Variants in GPR155 observed in about 807,000 individuals in gnomAD.
The protein encoded by GPR155 is G protein-coupled receptor 155.
GPR155 carries 65 observed loss-of-function variants against 93.1 expected under a neutral mutation model. The observed-to-expected ratio is 0.70, with a 90% CI of 0.57 to 0.86. The LOEUF is 0.86. GPR155 is among the 40% of genes least tolerant of loss of function. The pLI is 0.00. For synonymous variants in GPR155, 319 were observed against 360.1 expected (o/e 0.89, Z 1.29); for missense variants, 838 against 1,034.8 (o/e 0.81, Z 2.61).
chr2:174,471,295 G>A (rs1559115484), intron 3 of GPR155, among the ~76,000 whole-genome samples: 1 of 151,708 alleles, frequency 6.6e-6, no homozygotes, highest in Non-Finnish European at 1.5e-5. Context: ...AGGAGGCTGA[G>A]GCTGGAGAAC....
rs189649114 is a variant in GPR155 at position 174,435,837 on chromosome 2, C to T, written c.*279G>A. Reference sequence around the variant, plus strand: ...TTTGGGATCTTCAGGAGTCCTGGAACCAATCCCCTTGGATACTAAAGGATG... The same window carrying T: ...TTTGGGATCTTCAGGAGTCCTGGAATCAATCCCCTTGGATACTAAAGGATG... On this transcript the variant is annotated 3_prime_UTR_variant, in exon 16 of 16. Transcript: ENST00000392552. The T allele has an allele frequency of 1.0e-4, 32 of 316,078 alleles. No individual in the cohort carries two copies. Among genetic ancestry groups the T allele is most frequent in the Non-Finnish European group, 1.8e-4 (31 of 171,138 alleles). The allele number at this position is 316,078 out of a possible 1,614,324, so 19.6% of individuals were successfully genotyped here. A position where few individuals can be genotyped will look rare whatever the true frequency, so the allele number is the denominator to read the frequency against.
Position 174,434,606 on chromosome 2 carries a change from T to G in GPR155, c.*1510A>C, listed in dbSNP as rs1686721598. 1 of 151,816 alleles carries G rather than the reference T, an allele frequency of 6.6e-6. No individual in the cohort carries two copies. Among genetic ancestry groups the G allele is most frequent in the Non-Finnish European group, 1.5e-5 (1 of 67,964 alleles). The allele number at this position is 151,816 out of a possible 1,614,324, so 9.4% of individuals were successfully genotyped here. ...AAAAATAGTGCCTCTAGGTTTTTTTTGCTTGTTTTTTGTTTTTGAGACAGG... is the reference window on the plus strand; with the variant it reads ...AAAAATAGTGCCTCTAGGTTTTTTTGGCTTGTTTTTTGTTTTTGAGACAGG... On this transcript the variant is annotated 3_prime_UTR_variant, in exon 16 of 16. Coordinates refer to ENST00000392552, the MANE Select transcript of GPR155 (RefSeq NM_152529.7).
intron 1 of GPR155, 86 bp from the exon 2 acceptor site, chr2:174,482,073 C>G (rs899795794): frequency 1.5e-6 from 1 of 688,844 alleles, no homozygotes; most frequent in Non-Finnish European, 2.4e-6. Context: ...GATTTGTTTA[C>G]TTATTAAATG....
rs776042157 is a variant in GPR155, at chr2:174,439,878, T to C, written c.2312+20A>G. 1 of 1,601,996 alleles carries C rather than the reference T, an allele frequency of 6.2e-7. No individual in the cohort carries two copies. Among genetic ancestry groups the C allele is most frequent in the Non-Finnish European group, 8.5e-7 (1 of 1,170,446 alleles). On this transcript the variant is annotated intron_variant, in intron 15 of 15. Coordinates refer to ENST00000392552, the MANE Select transcript of GPR155 (RefSeq NM_152529.7). ...ATTTAAAATATAATTGTCTAGAACC[T>C]GTACTGGCACTTTGCTTACCTTCTT...
intron 14 of GPR155, among the ~76,000 whole-genome samples, chr2:174,441,668 T>C (rs896990620): frequency 3.3e-5 from 5 of 151,882 alleles, no homozygotes; most frequent in Non-Finnish European, 7.4e-5. Context: ...CACCTATGAG[T>C]GAGAACATGC....
intron 10 of GPR155, among the ~76,000 whole-genome samples, chr2:174,456,522 C>A (rs1687524988): frequency 6.6e-6 from 1 of 151,972 alleles, no homozygotes; most frequent in Non-Finnish European, 1.5e-5. Context: ...AGGCTGGTCT[C>A]CAACTCCTGA....
In GPR155 at chr2:174,473,239, T is replaced by G. The variant is rs1337921115; in HGVS notation, c.586A>C (p.Thr196Pro). The change falls in exon 3 of 16, where the codon ACT becomes CCT. Residue 196 changes from threonine to proline, a missense_variant. By Grantham distance (38) the Thr-to-Pro change is conservative. This residue lies in a region of GPR155 where 663 missense variants were observed against 790.1 expected (regional missense o/e 0.84). Transcript: ENST00000392552. ...ATTTTATTTTGAGAAGCATTTTGAG[T>G]GTCTTTCCACTTTTGGATTTCACAG... is the stretch of plus-strand genomic sequence containing the variant. ...IFCEIQKWKD[T>P]QNASQNKIKI... is the part of the protein sequence containing the mutation. The G allele has an allele frequency of 6.2e-7, 1 of 1,613,778 alleles. No homozygotes were observed.
rs1192182501 is a variant in GPR155, at chr2:174,433,934, GAC to G, written c.*2180_*2181del. On this transcript the variant is annotated 3_prime_UTR_variant, in exon 16 of 16. Coordinates refer to ENST00000392552, the MANE Select transcript of GPR155 (RefSeq NM_152529.7). ...TTTTTATACATGGACACTTTAAAAA[GAC>G]TAAATTCTAAATGTAATCTTTAGAA... 2.6e-5 allele frequency: 4 copies of G among 151,436 alleles called. No homozygotes were observed. The East Asian group carries it at 7.7e-4, about 29-fold the overall frequency. 9.4% of individuals were successfully genotyped at this position (151,436 alleles called of 1,614,324 possible).
chr2:174,471,105 C>T (rs1025056079), intron 3 of GPR155, among the ~76,000 whole-genome samples: 1 of 151,396 alleles, frequency 6.6e-6, no homozygotes, highest in Non-Finnish European at 1.5e-5. Flanking sequence ...ATTCTAAAAT[C>T]CTGCCGGCAT....
At chr2:174,472,265 G>C (rs1001887522) in intron 3 of GPR155, among the ~76,000 whole-genome samples, 1 of 152,282 alleles carries the variant, frequency 6.6e-6, no homozygotes, top group East Asian at 1.9e-4. Flanking sequence ...AATCAGCCAG[G>C]TGTGGTGGCA....
At chr2:174,457,037 C>T (rs894177592) in intron 10 of GPR155, among the ~76,000 whole-genome samples, 4 of 152,148 alleles carry the variant, frequency 2.6e-5, no homozygotes, top group East Asian at 1.9e-4. Context: ...CTGGGCCAGG[C>T]GCAGTGGCTC....
At position 174,481,502 on chromosome 2, in the gene GPR155, G is replaced by T. The variant is rs1234397419; in HGVS notation, c.455C>A (p.Pro152His). 1 of 1,575,062 alleles carries T rather than the reference G, an allele frequency of 6.3e-7. No individual in the cohort carries two copies. The highest frequency in any genetic ancestry group is 2.2e-5 in the East Asian group (1 of 44,672). The change falls in exon 2 of 16, where the codon CCT (proline) becomes CAT (histidine). Residue 152 changes from proline (P) to histidine (H), a missense_variant. By Grantham distance (77) the Pro-to-His change is moderately conservative (BLOSUM62 -2). This residue lies in a region of GPR155 where 663 missense variants were observed against 790.1 expected (regional missense o/e 0.84). Coordinates refer to ENST00000392552, the MANE Select transcript of GPR155 (RefSeq NM_152529.7). The part of the protein sequence containing the change: ...TQSNDFALGY[P>H]IVEALYQTTY... ...AAAAATAAAAATTAACTTACCTATA[G>T]GGTATCCCAATGCAAAGTCATTACT...
At chr2:174,481,281 C>T (rs1294042788) in intron 2 of GPR155, among the ~76,000 whole-genome samples, 1 of 152,038 alleles carries the variant, frequency 6.6e-6, no homozygotes, top group Non-Finnish European at 1.5e-5. Context: ...TAGGACTGTT[C>T]ACAGTGGTTA....
intron 13 of GPR155, among the ~76,000 whole-genome samples, chr2:174,443,865 A>G (rs1247048605): frequency 1.3e-5 from 2 of 152,206 alleles, no homozygotes; most frequent in African/African-American, 4.8e-5. Flanking sequence ...CACCTATCAT[A>G]TTACTTGTTT....
intron 2 of GPR155, among the ~76,000 whole-genome samples, chr2:174,477,359 T>C (rs919158062): frequency 6.6e-6 from 1 of 152,178 alleles, no homozygotes; most frequent in South Asian, 2.1e-4. Flanking sequence ...ATGTTGTTAT[T>C]AACCATCGTC....
intron 2 of GPR155, among the ~76,000 whole-genome samples, chr2:174,475,276 C>T (rs573760058): frequency 2.2e-3 from 240 of 109,230 alleles, no homozygotes; most frequent in African/African-American, 8.3e-3. Context: ...GCCTGGGCGA[C>T]AGAGCGAGAC....
intron 11 of GPR155, among the ~76,000 whole-genome samples, chr2:174,452,802 C>T (rs1574708010): frequency 6.6e-6 from 1 of 152,068 alleles, no homozygotes; most frequent in East Asian, 1.9e-4. Context: ...GGTGGGATTA[C>T]CACCACACCC....
intron 11 of GPR155, among the ~76,000 whole-genome samples, chr2:174,448,586 G>C (rs1230285238): frequency 1.4e-5 from 2 of 140,530 alleles, no homozygotes; most frequent in Admixed American, 1.5e-4. Context: ...GCCGGACTGC[G>C]GACTGCAGTG....
intron 4 of GPR155, 116 bp downstream of exon 4, chr2:174,470,273 AC>A (rs1687953598): frequency 2.5e-6 from 2 of 790,860 alleles, no homozygotes; most frequent in Admixed American, 3.0e-5. Flanking sequence ...ACATAGTGAG[AC>A]CCCCGTCGTC....
Sources: gnomAD v4.1 joint callset for allele counts (sites outside exome capture counted in the v4.1 genomes callset) on GRCh38, gnomAD v4.1.1 for gene constraint, gnomAD v4.1.1 regional missense constraint, MANE v1.5 for transcripts, NCBI Gene and HGNC (gene_info 2026-07-23, HGNC 2026-07-21) for gene names.